Variants in ACYP2 observed in about 807,000 individuals in gnomAD.
ACYP2 encodes acylphosphatase 2.
ACYP2 carries 12 observed loss-of-function variants against 11.2 expected under a neutral mutation model. That is an observed-to-expected ratio of 1.08 (90% confidence interval 0.69 to 1.74). The LOEUF is 1.74. ACYP2 is among the 40% of genes most tolerant of loss of function. ACYP2 has a pLI of 0.00. For missense variants in ACYP2, 134 were observed against 101.9 expected, an observed-to-expected ratio of 1.31 and a Z score of -1.35; for synonymous variants, 43 against 32.2, an observed-to-expected ratio of 1.33 and a Z score of -1.13.
intron 6 of ACYP2, among the ~76,000 whole-genome samples, chr2:54,139,333 C>T (rs1318544841): frequency 2.0e-5 from 3 of 152,140 alleles, no homozygotes; most frequent in African/African-American, 4.8e-5. Flanking sequence ...CTTTATTTAT[C>T]TAATTGTAAT....
At chr2:54,018,254 G>T (rs1307889571) in intron 2 of ACYP2, among the ~76,000 whole-genome samples, 2 of 152,186 alleles carry the variant, frequency 1.3e-5, no homozygotes, top group African/African-American at 2.4e-5. Context: ...TGATCAGGAG[G>T]TCTGAAGTGG....
chr2:54,110,217 A>G (rs1572773781), intron 4 of ACYP2, among the ~76,000 whole-genome samples: 1 of 151,886 alleles, frequency 6.6e-6, no homozygotes, highest in Non-Finnish European at 1.5e-5. Flanking sequence ...AACTGTCACC[A>G]TTTCCAAGTT....
chr2:53,992,705 C>T (rs1672359018), intron 2 of ACYP2, among the ~76,000 whole-genome samples: 1 of 151,770 alleles, frequency 6.6e-6, no homozygotes. Context: ...GTGGTGTGCA[C>T]CTGTAGTCCG....
chr2:53,996,459 G>A (rs1337225276), intron 2 of ACYP2, among the ~76,000 whole-genome samples: 1 of 152,190 alleles, frequency 6.6e-6, no homozygotes, highest in Non-Finnish European at 1.5e-5. Context: ...GAGAGCCTGA[G>A]ACTTTGATAT....
At chr2:54,040,777 T>C (rs2104562746) in intron 2 of ACYP2, among the ~76,000 whole-genome samples, 1 of 152,308 alleles carries the variant, frequency 6.6e-6, no homozygotes, top group African/African-American at 2.4e-5. Context: ...GTGATTTAAC[T>C]GAAGTGGATT....
chr2:54,089,397 T>G (rs956054531), intron 4 of ACYP2, among the ~76,000 whole-genome samples: 58 of 150,544 alleles, frequency 3.9e-4, no homozygotes, highest in African/African-American at 7.5e-4. Context: ...GAAGTTCAGA[T>G]ATATATATAT....
At chr2:54,167,446 G>A (rs1683035446) in intron 6 of ACYP2, among the ~76,000 whole-genome samples, 1 of 152,132 alleles carries the variant, frequency 6.6e-6, no homozygotes, top group Non-Finnish European at 1.5e-5. Context: ...CAAATCCAGA[G>A]AAAAGACAGA....
chr2:54,019,441 A>G (rs895920550), intron 2 of ACYP2, among the ~76,000 whole-genome samples: 16 of 151,390 alleles, frequency 1.1e-4, no homozygotes, highest in African/African-American at 3.6e-4. Flanking sequence ...CAGTGGTGCA[A>G]TCATGGTTCA....
At chr2:54,135,513 T>C in intron 5 of ACYP2, 44 bp downstream of exon 2, 2 of 1,572,064 alleles carry the variant, frequency 1.3e-6, no homozygotes, top group Non-Finnish European at 1.7e-6. Flanking sequence ...TTTTTTCCAC[T>C]GTTATTCCCA....
At chr2:54,099,662 T>TA (rs1249249348) in intron 4 of ACYP2, among the ~76,000 whole-genome samples, 1 of 152,226 alleles carries the variant, frequency 6.6e-6, no homozygotes, top group African/African-American at 2.4e-5. Context: ...ATTTTTTTTT[T>TA]ATCCATTCAT....
intron 2 of ACYP2, among the ~76,000 whole-genome samples, chr2:53,980,161 G>A (rs1194178886): frequency 1.3e-5 from 2 of 151,996 alleles, no homozygotes; most frequent in Non-Finnish European, 2.9e-5. Flanking sequence ...ATGTTACCAA[G>A]AGGCAACATA....
chr2:54,135,134 C>T (rs80235546), intron 4 of ACYP2, among the ~76,000 whole-genome samples: 8,922 of 152,212 alleles, frequency 0.059, 474 homozygotes, highest in East Asian at 0.3. Flanking sequence ...CACTGCAGTA[C>T]CACCAAGTCA....
intron 2 of ACYP2, among the ~76,000 whole-genome samples, chr2:54,044,596 C>T (rs1302242874): frequency 2.6e-5 from 4 of 151,112 alleles, no homozygotes; most frequent in Non-Finnish European, 4.4e-5. Context: ...CCCACTCCTG[C>T]CCGCCCCTCT....
intron 2 of ACYP2, among the ~76,000 whole-genome samples, chr2:54,002,578 C>CCAGCCTGGGGGACAAG (rs1558464207): frequency 6.6e-6 from 1 of 151,920 alleles, no homozygotes; most frequent in African/African-American, 2.4e-5. Context: ...GTCTTGCACT[C>CCAGCCTGGGGGACAAG]AACTGATTCA....
At chr2:54,035,554 C>A (rs188758036) in intron 2 of ACYP2, among the ~76,000 whole-genome samples, 106 of 152,220 alleles carry the variant, frequency 7.0e-4, no homozygotes, top group Non-Finnish European at 1.0e-3. Context: ...TGCAAGCCAC[C>A]GCTCCCGGCC....
chr2:54,038,382 A>G (rs1381547879), intron 2 of ACYP2, among the ~76,000 whole-genome samples: 1 of 151,812 alleles, frequency 6.6e-6, no homozygotes, highest in African/African-American at 2.4e-5. Flanking sequence ...CTTACTTTCC[A>G]CTATATGTGA....
chr2:54,142,076 G>A (rs1219894414), intron 6 of ACYP2: 8 of 401,870 alleles, frequency 2.0e-5, no homozygotes, highest in Admixed American at 8.5e-5. Flanking sequence ...GTCTCACTAT[G>A]TTGCTCAGGC....
chr2:53,975,416 T>C (rs756941851), intron 2 of ACYP2: 2 of 394,206 alleles, frequency 5.1e-6, no homozygotes, highest in Non-Finnish European at 8.9e-6. Context: ...AGACCTTTCT[T>C]TCGGGGAGCT....
chr2:54,293,566 CTG>C (rs1689400369), intron 6 of ACYP2, among the ~76,000 whole-genome samples: 1 of 152,214 alleles, frequency 6.6e-6, no homozygotes, highest in African/African-American at 2.4e-5. Context: ...GTATGTGACT[CTG>C]AGGGTCACAG....
Sources: gnomAD v4.1 joint callset for allele counts (sites outside exome capture counted in the v4.1 genomes callset) on GRCh38, gnomAD v4.1.1 for gene constraint, MANE v1.5 for transcripts, NCBI Gene and HGNC (gene_info 2026-07-23, HGNC 2026-07-21) for gene names.